The following PVT1 variants were observed in gnomAD, a reference collection of about 807,000 sequenced individuals.
PVT1 encodes the protein Pvt1 oncogene, also known as CXCR4/PVT1 fusion.
At chr8:127,798,894 G>A (rs1044629059) in intron 2 of PVT1, among the ~76,000 whole-genome samples, 1 of 151,900 alleles carries the variant, frequency 6.6e-6, no homozygotes, top group East Asian at 1.9e-4. Context: ...CAACCGCCTC[G>A]GTCTTTGTGC....
chr8:127,937,261 TTTTTC>T (rs1330928568), intron 3 of PVT1, among the ~76,000 whole-genome samples: 48 of 80,146 alleles, frequency 6.0e-4, no homozygotes, highest in African/African-American at 1.1e-3. Context: ...TTTCTTTTCT[TTTTTC>T]TTTTCTTTTC....
At chr8:127,988,599 T>G (rs2129994495) in intron 3 of PVT1, among the ~76,000 whole-genome samples, 1 of 152,358 alleles carries the variant, frequency 6.6e-6, no homozygotes, top group Middle Eastern at 3.4e-3. Flanking sequence ...ATTTTTTTGT[T>G]TCCTGAATAA....
intron 4 of PVT1, among the ~76,000 whole-genome samples, chr8:128,040,954 GGT>G (rs1474551709): frequency 6.8e-6 from 1 of 147,858 alleles, no homozygotes; most frequent in Non-Finnish European, 1.5e-5. Context: ...TTTCTGCTTG[GGT>G]GTGTTTGTGT....
At chr8:127,801,541 T>C (rs962871063) in intron 2 of PVT1, among the ~76,000 whole-genome samples, 3 of 152,126 alleles carry the variant, frequency 2.0e-5, no homozygotes, top group Admixed American at 1.3e-4. Context: ...GTGACTGGCT[T>C]CCTTGCAGTG....
intron 4 of PVT1, among the ~76,000 whole-genome samples, chr8:128,028,782 G>A (rs892796516): frequency 7.2e-5 from 11 of 152,094 alleles, no homozygotes; most frequent in Admixed American, 2.6e-4. Context: ...GAGGAGCATC[G>A]GAGCCTAAAA....
At chr8:127,899,732 G>A (rs1815735029) in intron 3 of PVT1, among the ~76,000 whole-genome samples, 1 of 152,180 alleles carries the variant, frequency 6.6e-6, no homozygotes, top group Admixed American at 6.5e-5. Context: ...CTTGGCTGCT[G>A]AGGCACCGGT....
chr8:127,877,484 T>C (rs1053121439), intron 2 of PVT1, among the ~76,000 whole-genome samples: 3 of 152,204 alleles, frequency 2.0e-5, no homozygotes, highest in African/African-American at 7.2e-5. Context: ...TCTCTCTCTC[T>C]CTTCCCAACT....
intron 2 of PVT1, among the ~76,000 whole-genome samples, chr8:127,844,713 TG>T (rs1815012028): frequency 6.7e-6 from 1 of 149,570 alleles, no homozygotes; most frequent in Admixed American, 6.6e-5. Flanking sequence ...GTTTTGTTTT[TG>T]TTTTTTTGTT....
At chr8:128,031,142 G>A (rs1485998197) in intron 4 of PVT1, among the ~76,000 whole-genome samples, 2 of 152,224 alleles carry the variant, frequency 1.3e-5, no homozygotes, top group African/African-American at 4.8e-5. Context: ...ACAAGGCTGA[G>A]GGTTAAGTAA....
intron 4 of PVT1, among the ~76,000 whole-genome samples, chr8:127,999,524 T>C (rs998061773): frequency 2.6e-5 from 4 of 151,948 alleles, no homozygotes; most frequent in Non-Finnish European, 2.9e-5. Context: ...TGCAGTGGTG[T>C]GATCTCGTCT....
intron 2 of PVT1, among the ~76,000 whole-genome samples, chr8:127,866,799 G>A (rs570313761): frequency 6.6e-6 from 1 of 152,150 alleles, no homozygotes; most frequent in African/African-American, 2.4e-5. Flanking sequence ...AAGATCTTGG[G>A]CTCCGAGACC....
chr8:127,999,611 A>G (rs1165510117), intron 4 of PVT1, among the ~76,000 whole-genome samples: 2 of 151,970 alleles, frequency 1.3e-5, no homozygotes, highest in Non-Finnish European at 1.5e-5. Context: ...ACAGGTGCAC[A>G]CCACCACACC....
chr8:127,818,975 C>A (rs1350251911), intron 2 of PVT1, among the ~76,000 whole-genome samples: 1 of 152,196 alleles, frequency 6.6e-6, no homozygotes, highest in Non-Finnish European at 1.5e-5. Context: ...CTGCCTCAGC[C>A]TCCTGAGTAG....
At chr8:128,011,977 G>A (rs958254878) in intron 4 of PVT1, among the ~76,000 whole-genome samples, 1 of 152,324 alleles carries the variant, frequency 6.6e-6, no homozygotes, top group African/African-American at 2.4e-5. Context: ...GCATTGCACT[G>A]TGATGCGACC....
chr8:127,956,575 C>T (rs1056031186), intron 3 of PVT1, among the ~76,000 whole-genome samples: 2 of 152,264 alleles, frequency 1.3e-5, no homozygotes, highest in African/African-American at 2.4e-5. Flanking sequence ...ACCTCTGCCT[C>T]CTGAGTTCAA....
chr8:127,945,819 A>T (rs551666392), intron 3 of PVT1, among the ~76,000 whole-genome samples: 1 of 152,112 alleles, frequency 6.6e-6, no homozygotes, highest in Non-Finnish European at 1.5e-5. Flanking sequence ...AACCAACATT[A>T]TTCAGCACTT....
intron 4 of PVT1, among the ~76,000 whole-genome samples, chr8:128,061,603 CT>C (rs1813831268): frequency 1.3e-5 from 2 of 152,210 alleles, no homozygotes; most frequent in Non-Finnish European, 2.9e-5. Flanking sequence ...AGTGTCTACC[CT>C]GTTTTACATT....
chr8:128,091,241 C>T (rs1260510536), intron 5 of PVT1, among the ~76,000 whole-genome samples: 1 of 152,122 alleles, frequency 6.6e-6, no homozygotes, highest in Non-Finnish European at 1.5e-5. Flanking sequence ...TTTCTCCTGT[C>T]CCAAGGTTGC....
intron 3 of PVT1, among the ~76,000 whole-genome samples, chr8:127,931,391 A>G (rs894513084): frequency 2.0e-5 from 3 of 151,976 alleles, no homozygotes; most frequent in African/African-American, 7.3e-5. Context: ...TACTTATTCC[A>G]TTTCCTGTCT....
Sources: allele counts gnomAD v4.1 joint callset (sites outside exome capture counted in the v4.1 genomes callset), GRCh38; gene constraint gnomAD v4.1.1; transcripts MANE v1.5; gene names NCBI Gene and HGNC (gene_info 2026-07-23, HGNC 2026-07-21).